Variants in SCIN observed in about 807,000 individuals in gnomAD.
The protein encoded by SCIN is scinderin, also known as adseverin.
Under a neutral mutation model 91.8 loss-of-function variants are expected in SCIN, and 91 were observed. That is an observed-to-expected ratio of 0.99 (90% CI 0.84 to 1.18). The LOEUF (loss-of-function observed/expected upper bound fraction) is 1.18. Among genes scored for constraint, SCIN ranks in the 50% most tolerant of loss-of-function variants. The probability of loss-of-function intolerance (pLI) is 0.00; values close to 1 mark genes in which losing one functional copy is unlikely to be tolerated. For synonymous variants in SCIN, 367 were observed against 312.6 expected (o/e 1.17, Z -1.84); for missense variants, 1,087 against 863.9 (o/e 1.26, Z -3.24).
chr7:12,603,457 A>G (rs1342747297), intron 3 of SCIN, among the ~76,000 whole-genome samples: 1 of 152,026 alleles, frequency 6.6e-6, no homozygotes, highest in Non-Finnish European at 1.5e-5. Context: ...TTTTTTTATA[A>G]TGATGCTAAA....
chr7:12,606,669 T>G (rs1189841547), intron 4 of SCIN, among the ~76,000 whole-genome samples: 4 of 152,224 alleles, frequency 2.6e-5, no homozygotes, highest in African/African-American at 9.6e-5. Context: ...TTCATACATA[T>G]GTACATACCT....
intron 4 of SCIN, among the ~76,000 whole-genome samples, chr7:12,620,888 C>T (rs1224383850): frequency 1.3e-5 from 2 of 152,026 alleles, no homozygotes; most frequent in Non-Finnish European, 2.9e-5. Context: ...TACATCTTGG[C>T]TAGAACAACT....
intron 8 of SCIN, among the ~76,000 whole-genome samples, chr7:12,627,282 A>T (rs849758): frequency 6.6e-6 from 1 of 151,934 alleles, no homozygotes; most frequent in South Asian, 2.1e-4. Flanking sequence ...TCACCCTTCC[A>T]CTGCCTTGAG....
At chr7:12,642,892 G>A (rs1449040973) in intron 11 of SCIN, among the ~76,000 whole-genome samples, 1 of 151,762 alleles carries the variant, frequency 6.6e-6, no homozygotes, top group Non-Finnish European at 1.5e-5. Context: ...CCTTCACTGT[G>A]GTCTCATTCA....
intron 14 of SCIN, among the ~76,000 whole-genome samples, chr7:12,650,770 A>C (rs528281038): frequency 3.4e-4 from 52 of 152,312 alleles, no homozygotes; most frequent in African/African-American, 1.2e-3. Context: ...ATTGCTATTT[A>C]AATACTAAAC....
intron 8 of SCIN, 100 bp from the exon 9 acceptor site, chr7:12,629,001 G>A: frequency 2.0e-6 from 2 of 1,001,864 alleles, no homozygotes; most frequent in South Asian, 1.9e-5. Context: ...TTTAAAAGTT[G>A]TTTAATAATG....
intron 9 of SCIN, among the ~76,000 whole-genome samples, 178 bp from the exon 10 acceptor site, chr7:12,635,866 CA>C (rs947801991): frequency 6.6e-6 from 1 of 152,070 alleles, no homozygotes; most frequent in African/African-American, 2.4e-5. Flanking sequence ...CTAGACAACA[CA>C]TAGGACAATT....
intron 4 of SCIN, among the ~76,000 whole-genome samples, chr7:12,612,892 T>G (rs1335085470): frequency 1.3e-5 from 2 of 152,198 alleles, no homozygotes; most frequent in Non-Finnish European, 2.9e-5. Context: ...TAACGAAGAC[T>G]TGTAACCTTA....
chr7:12,592,247 G>A (rs1242161084), intron 3 of SCIN, among the ~76,000 whole-genome samples: 1 of 152,088 alleles, frequency 6.6e-6, no homozygotes, highest in Non-Finnish European at 1.5e-5. Flanking sequence ...AAGTGGATAG[G>A]GGTTATGGAC....
chr7:12,610,131 T>C (rs1783161846), intron 4 of SCIN, among the ~76,000 whole-genome samples: 1 of 152,212 alleles, frequency 6.6e-6, no homozygotes, highest in African/African-American at 2.4e-5. Flanking sequence ...TTAGACTTTA[T>C]GATGTTAGCA....
chr7:12,582,092 A>T (rs1354050893), intron 3 of SCIN, among the ~76,000 whole-genome samples: 1 of 152,216 alleles, frequency 6.6e-6, no homozygotes, highest in Admixed American at 6.5e-5. Flanking sequence ...GTTGTAACGG[A>T]GTCATGAGCT....
Position 12,652,969 on chromosome 7 carries a change from G to A in SCIN, c.*254G>A. 2.9e-6 allele frequency: 1 copy of A among 343,060 alleles called. No individual in the cohort carries two copies. Among genetic ancestry groups the A allele is most frequent in the Non-Finnish European group, 5.3e-6 (1 of 187,336 alleles). The allele number at this position is 343,060 out of a possible 1,614,324, so 21.3% of individuals were successfully genotyped here. A position where few individuals can be genotyped will look rare whatever the true frequency, so the allele number is the denominator to read the frequency against. Reference sequence around the variant, plus strand: ...AATACAAAAAAATTAGCTGCGCGTGGTGGTGCACGCCTGTAGTCCCTGCTA... The same window carrying A: ...AATACAAAAAAATTAGCTGCGCGTGATGGTGCACGCCTGTAGTCCCTGCTA... On this transcript the variant is annotated 3_prime_UTR_variant, in exon 16 of 16. Transcript: ENST00000297029.
intron 5 of SCIN, 147 bp from the exon 6 acceptor site, chr7:12,624,863 C>T: frequency 1.6e-6 from 1 of 624,900 alleles, no homozygotes; most frequent in Non-Finnish European, 2.5e-6. Context: ...AATTTATACA[C>T]CATAAAATTC....
chr7:12,638,231 G>A (rs1214953945), intron 10 of SCIN, among the ~76,000 whole-genome samples: 1 of 152,134 alleles, frequency 6.6e-6, no homozygotes, highest in Non-Finnish European at 1.5e-5. Context: ...TTCATTCTGT[G>A]AGAGAGTACT....
intron 4 of SCIN, among the ~76,000 whole-genome samples, chr7:12,609,752 C>T (rs1406508460): frequency 1.3e-5 from 2 of 152,038 alleles, no homozygotes; most frequent in African/African-American, 4.8e-5. Context: ...AGTAAAAATT[C>T]TACAGGGAGA....
chr7:12,622,950 G>A, intron 5 of SCIN, 57 bp downstream of exon 5: 7 of 1,288,854 alleles, frequency 5.4e-6, no homozygotes, highest in Non-Finnish European at 7.7e-6. Context: ...AGCTAGGGAG[G>A]CCTGTATTGG....
At chr7:12,652,344 T>C (rs1173360606) in intron 15 of SCIN, among the ~76,000 whole-genome samples, 1 of 90,546 alleles carries the variant, frequency 1.1e-5, no homozygotes, top group Non-Finnish European at 2.6e-5. Flanking sequence ...GAGATTCACA[T>C]GTTGCCTTTC....
chr7:12,588,901 A>AG (rs1364353954), intron 3 of SCIN: 3 of 139,824 alleles, frequency 2.1e-5, no homozygotes, highest in Non-Finnish European at 4.5e-5. Context: ...GTAATAGAAG[A>AG]GGGGCGCCGT....
chr7:12,646,608 A>C (rs1457987145), intron 13 of SCIN, among the ~76,000 whole-genome samples: 5 of 152,120 alleles, frequency 3.3e-5, no homozygotes, highest in African/African-American at 1.2e-4. Context: ...CCTCTCACCT[A>C]AATTTCAAAA....
Sources: gnomAD v4.1 joint callset for allele counts (sites outside exome capture counted in the v4.1 genomes callset) on GRCh38, gnomAD v4.1.1 for gene constraint, MANE v1.5 for transcripts, NCBI Gene and HGNC (gene_info 2026-07-23, HGNC 2026-07-21) for gene names.